Variants in CFAP46 observed in about 807,000 individuals in gnomAD.
The protein encoded by CFAP46 is cilia and flagella associated protein 46.
Under a neutral mutation model 325.7 loss-of-function variants are expected in CFAP46, and 245 were observed. The ratio of observed to expected loss-of-function variants is 0.75; its 90% CI spans 0.68 to 0.84. The LOEUF (loss-of-function observed/expected upper bound fraction) is 0.84. Ranked by LOEUF, CFAP46 falls within the 40% of genes least tolerant of loss-of-function variation. The pLI is 0.00. For missense variants in CFAP46, 3,346 were observed against 3,543.0 expected, an observed-to-expected ratio of 0.94 and a Z score of 1.41; for synonymous variants, 1,523 against 1,495.9, an observed-to-expected ratio of 1.02 and a Z score of -0.42.
intron 54 of CFAP46, among the ~76,000 whole-genome samples, chr10:132,813,754 C>T (rs532688986): frequency 6.6e-6 from 1 of 152,316 alleles, no homozygotes; most frequent in Admixed American, 6.5e-5. Context: ...AACGATCCCT[C>T]CCACCCGTGG....
At chr10:132,937,259 T>C in intron 6 of CFAP46, 1 of 534,216 alleles carries the variant, frequency 1.9e-6, no homozygotes, top group Non-Finnish European at 3.2e-6. Flanking sequence ...TGTATCTTTG[T>C]GAATTTTCTA....
At chr10:132,809,621 C>T (rs1847537516) in intron 57 of CFAP46, among the ~76,000 whole-genome samples, 3 of 152,298 alleles carry the variant, frequency 2.0e-5, no homozygotes, top group Admixed American at 2.0e-4. Flanking sequence ...GGCAGACCAC[C>T]CCCTCCGTGC....
At position 132,876,672 on chromosome 10, in the gene CFAP46, G is replaced by C; in HGVS notation, c.4362+140C>G. 1 of 833,964 alleles carries C rather than the reference G, an allele frequency of 1.2e-6. No homozygotes were observed. 51.7% of individuals were successfully genotyped at this position (833,964 alleles called of 1,614,324 possible). A position where few individuals can be genotyped will look rare whatever the true frequency, so the allele number is the denominator to read the frequency against. Reference sequence around the variant, plus strand: ...AGACAGTGGTGCTGGGAGGGCCTGTGGGAGGCTGGGGGCTGATGGGACTCT... The same window carrying C: ...AGACAGTGGTGCTGGGAGGGCCTGTCGGAGGCTGGGGGCTGATGGGACTCT... On this transcript the variant is annotated intron_variant, in intron 31 of 57. Transcript: ENST00000368586. This position sits in a 1 kb window ranked among gnomAD's most constrained non-coding sequence, Gnocchi z 4.1.
chr10:132,909,322 A>G, intron 20 of CFAP46, 78 bp from the exon 21 acceptor site: 1 of 1,001,402 alleles, frequency 1.0e-6, no homozygotes, highest in Non-Finnish European at 1.5e-6. Context: ...TTAACACTGC[A>G]AGGTATTAGT....
At position 132,860,847 on chromosome 10, in the gene CFAP46, AC is replaced by A; in HGVS notation, c.5025del (p.Trp1675CysfsTer6). 1 of 1,551,054 alleles carries A rather than the reference AC, an allele frequency of 6.4e-7. No homozygotes were observed. Among genetic ancestry groups the A allele is most frequent in the Non-Finnish European group, 8.7e-7 (1 of 1,147,090 alleles). On this transcript the variant is annotated frameshift_variant, in exon 36 of 58. Transcript: ENST00000368586. LOFTEE classifies it high-confidence loss of function. ...TCTGCCAGGGTCAGAGTGGAATTGT[AC>A]CAGAACTCCTCACTTCCGCCCAGGT... ...AQHLGGSEEF[W>X]YNSTLTLAEA...
intron 8 of CFAP46, among the ~76,000 whole-genome samples, chr10:132,933,178 C>G (rs1198179628): frequency 1.3e-5 from 2 of 152,196 alleles, no homozygotes; most frequent in African/African-American, 2.4e-5. Flanking sequence ...GGGGTGCGGA[C>G]GCTTCTCCGC....
At chr10:132,866,289 G>A (rs1286182393) in intron 34 of CFAP46, 118 bp from the exon 35 acceptor site, 2 of 1,109,600 alleles carry the variant, frequency 1.8e-6, no homozygotes, top group African/African-American at 1.6e-5. Context: ...ACCACACCAA[G>A]GGCTCCCTGC....
At position 132,832,399 on chromosome 10, in the gene CFAP46, C is replaced by G. The variant is rs529259124; in HGVS notation, c.7117+959G>C. Among the ~76,000 whole-genome samples, 24 of 131,166 alleles carry G rather than the reference C, an allele frequency of 1.8e-4. No individual in the cohort carries two copies. The highest frequency in any genetic ancestry group is 4.7e-4 in the East Asian group (2 of 4,280). The allele number at this position is 131,166 out of a possible 152,430, so 86.0% of individuals were successfully genotyped here. On this transcript the variant is annotated intron_variant, in intron 50 of 57. Coordinates refer to ENST00000368586, the MANE Select transcript of CFAP46 (RefSeq NM_001200049.3). This position sits in a 1 kb window ranked among gnomAD's most constrained non-coding sequence, Gnocchi z 4.1. ...CCTGGGCTCTTCCTGCCCCCCCCCCCCAATGCTGTGGCCTGGAAATTCCCC... is the reference window on the plus strand; with the variant it reads ...CCTGGGCTCTTCCTGCCCCCCCCCCGCAATGCTGTGGCCTGGAAATTCCCC...
At chr10:132,894,934 G>A (rs1281738714) in intron 24 of CFAP46, among the ~76,000 whole-genome samples, 1 of 151,712 alleles carries the variant, frequency 6.6e-6, no homozygotes, top group African/African-American at 2.4e-5. Context: ...TAAAGAAAAA[G>A]AAACACTCCT....
At chr10:132,887,530 T>TCC (rs1564790683) in intron 25 of CFAP46, among the ~76,000 whole-genome samples, 17 of 102,248 alleles carry the variant, frequency 1.7e-4, no homozygotes, top group Non-Finnish European at 2.2e-4. Flanking sequence ...CTCTCCTCTC[T>TCC]CCTCTCCCCT....
At position 132,869,330 on chromosome 10, in the gene CFAP46, G is replaced by C. The variant is rs756593915; in HGVS notation, c.4554C>G (p.Ala1518=). 2 of 1,538,826 alleles carry C rather than the reference G, an allele frequency of 1.3e-6. No individual in the cohort carries two copies. The highest frequency in any genetic ancestry group is 4.9e-5 in the East Asian group (2 of 40,718). ...ACSELKLREA[A]ARHEEAVGQV... The stretch of plus-strand genomic sequence containing the variant: ...GCCCGACCGCCTCTTCATGGCGCGC[G>C]GCTGCTTCTCTCAGCTTCAGCTCGG... Residue 1518 remains alanine, a synonymous_variant, in exon 33 of 58, where the codon GCC becomes GCG. Transcript: ENST00000368586. The surrounding 1 kb of genome is among the most constrained non-coding windows in gnomAD (Gnocchi z 6.2).
At chr10:132,810,748 G>A in intron 56 of CFAP46, 1 of 727,438 alleles carries the variant, frequency 1.4e-6, no homozygotes, top group South Asian at 1.5e-5. Flanking sequence ...CCCGTGGGCT[G>A]GTGCCAGGGG....
intron 44 of CFAP46, among the ~76,000 whole-genome samples, chr10:132,838,391 T>A (rs1052325696): frequency 3.3e-5 from 5 of 152,278 alleles, no homozygotes; most frequent in African/African-American, 1.2e-4. Context: ...AGCCCATGCG[T>A]GAAAAGCTCG....
At chr10:132,908,959 A>G (rs563933508) in intron 21 of CFAP46, among the ~76,000 whole-genome samples, 178 bp downstream of exon 21, 16 of 152,166 alleles carry the variant, frequency 1.1e-4, no homozygotes, top group Admixed American at 4.6e-4. Context: ...GGATGCTCTG[A>G]GCATGGAGCT....
rs774866803 is a variant in CFAP46 at position 132,846,194 on chromosome 10, G to A, written c.6301C>T (p.Leu2101=). 17 of 1,612,030 alleles carry A rather than the reference G, an allele frequency of 1.1e-5. No individual in the cohort carries two copies. The highest frequency in any genetic ancestry group is 1.4e-5 in the Non-Finnish European group (16 of 1,179,666). ...CTGGTGTTGGCTGTGGCTGCAAGCA[G>A]GACATCCCTCATCGTCTCTGAGGCC... ...CSASETMRDV[L]LAATANTSSS... is the part of the protein sequence containing the mutation. Residue 2101 remains leucine, a synonymous_variant, in exon 44 of 58, where the codon CTG becomes TTG. Coordinates refer to ENST00000368586, the MANE Select transcript of CFAP46 (RefSeq NM_001200049.3).
intron 50 of CFAP46, among the ~76,000 whole-genome samples, chr10:132,831,405 G>A (rs981866587): frequency 3.9e-5 from 6 of 152,104 alleles, no homozygotes; most frequent in African/African-American, 9.7e-5. Context: ...GTTTTGTCTC[G>A]TGTGTTTTAC....
chr10:132,918,487 T>C lies in CFAP46; in HGVS notation c.1892A>G (p.Gln631Arg). Residue 631 changes from glutamine (Q) to arginine (R), a missense_variant, in exon 16 of 58, where the codon CAG becomes CGG. Coordinates refer to ENST00000368586, the MANE Select transcript of CFAP46 (RefSeq NM_001200049.3). ...KKKRGRDGSV[Q>R]DTWSQPEVVL... ...GACCTCAGGCTGGCTCCAGGTGTCC[T>C]GCACCGAGCCGTCCCTACCTCGCTT... 2 of 1,538,488 alleles carry C rather than the reference T, an allele frequency of 1.3e-6. No homozygotes were observed. The highest frequency in any genetic ancestry group is 1.8e-6 in the Non-Finnish European group (2 of 1,137,180).
intron 17 of CFAP46, among the ~76,000 whole-genome samples, chr10:132,916,041 T>C (rs1215931433): frequency 1.3e-5 from 2 of 152,256 alleles, no homozygotes; most frequent in Non-Finnish European, 2.9e-5. Flanking sequence ...CAGCAAATCC[T>C]GTGAGATGTT....
rs554361204 is a variant in CFAP46 at position 132,885,173 on chromosome 10, C to T, written c.3557G>A (p.Arg1186His). ...SEDYLARMWH[R>H]LALNSPSVSG... The stretch of plus-strand genomic sequence containing the variant: ...CACGCTCGGCGAGTTCAGGGCCAGG[C>T]GGTGCCACATGCGCGCCAAGTAGTC... Residue 1186 changes from arginine (R) to histidine (H), a missense_variant, in exon 27 of 58, where the codon CGC (arginine) becomes CAC (histidine). Coordinates refer to ENST00000368586, the MANE Select transcript of CFAP46 (RefSeq NM_001200049.3). 45 of 1,550,442 alleles carry T rather than the reference C, an allele frequency of 2.9e-5. No individual in the cohort carries two copies. In the African/African-American group the frequency reaches 3.4e-4, roughly 12 times the overall value.
Sources: gnomAD v4.1 joint callset for allele counts (sites outside exome capture counted in the v4.1 genomes callset) on GRCh38, gnomAD v4.1.1 for gene constraint, Gnocchi (gnomAD v3.1) non-coding constraint, MANE v1.5 for transcripts, NCBI Gene and HGNC (gene_info 2026-07-23, HGNC 2026-07-21) for gene names.